DOT1L: variants seen among roughly 807,000 people sequenced by gnomAD.
DOT1L encodes DOT1 like histone lysine methyltransferase, also known as histone-lysine N-methyltransferase, H3 lysine-79 specific.
DOT1L carries 33 observed loss-of-function variants against 153.3 expected under a neutral mutation model. The observed-to-expected ratio is 0.22, with a 90% CI of 0.16 to 0.29. The LOEUF (loss-of-function observed/expected upper bound fraction) is 0.29, where lower values mean the gene tolerates loss of function less well. Among genes scored for constraint, DOT1L ranks in the 10% least tolerant of loss-of-function variants. DOT1L has a pLI of 1.00. For synonymous variants in DOT1L, 1,135 were observed against 965.1 expected (o/e 1.18, Z -3.26); for missense variants, 1,847 against 2,119.9 (o/e 0.87, Z 2.53).
At chr19:2,213,327 C>A in intron 16 of DOT1L, 2 of 514,042 alleles carry the variant, frequency 3.9e-6, no homozygotes, top group Non-Finnish European at 6.9e-6. Context: ...CTCCAGCTGG[C>A]GAGAGTTCTT....
At position 2,211,799 on chromosome 19, in the gene DOT1L, C is replaced by T. The variant is rs1383312516; in HGVS notation, c.1514C>T (p.Pro505Leu). The T allele has an allele frequency of 1.9e-6, 3 of 1,575,176 alleles. No individual in the cohort carries two copies. The highest frequency in any genetic ancestry group is 1.2e-5 in the South Asian group (1 of 85,836). The stretch of plus-strand genomic sequence containing the variant: ...CAGTTCCTGGCATACACAAAGACCC[C>T]CCAGTACAAGGCCAGCCTGCAGGAG... Reference protein sequence around the residue: ...YLQFLAYTKTPQYKASLQELL... With the variant: ...YLQFLAYTKTLQYKASLQELL... Residue 505 changes from proline to leucine, a missense_variant, in exon 16 of 28, where the codon CCC (proline) becomes CTC (leucine). By Grantham distance (98) the Pro-to-Leu change is moderately conservative (BLOSUM62 -3). This residue lies in a region of DOT1L where 156 missense variants were observed against 235.7 expected (regional missense o/e 0.66). Coordinates refer to ENST00000398665, the MANE Select transcript of DOT1L (RefSeq NM_032482.3).
chr19:2,226,944 G>A lies in DOT1L; in HGVS notation c.4423G>A (p.Ala1475Thr), dbSNP rs150855728. 7.5e-4 allele frequency: 1,189 copies of A among 1,585,040 alleles called. 27 individuals are homozygous for A. The East Asian group carries it at 0.027, about 36-fold the overall frequency. ...LGPFPPGPQF[A>T]LGPMSLQANL... ...CCCCTTCCCGCCGGGACCGCAGTTCGCGCTCGGCCCCATGTCCCTGCAGGC... is the reference window on the plus strand; with the variant it reads ...CCCCTTCCCGCCGGGACCGCAGTTCACGCTCGGCCCCATGTCCCTGCAGGC... The change falls in exon 27 of 28, where the codon GCG becomes ACG. Residue 1475 changes from alanine to threonine, a missense_variant. By Grantham distance (58) the Ala-to-Thr change is moderately conservative (BLOSUM62 0). Around this residue, in one of 8 missense-constraint regions of DOT1L, gnomAD observed 934 missense variants for 825.3 expected, o/e 1.13. Coordinates refer to ENST00000398665, the MANE Select transcript of DOT1L (RefSeq NM_032482.3).
intron 24 of DOT1L, 28 bp from the exon 25 acceptor site, chr19:2,223,253 T>A (rs754993334): frequency 6.2e-7 from 1 of 1,611,468 alleles, no homozygotes; most frequent in African/African-American, 1.3e-5. Context: ...CTGTGGTATG[T>A]GCATCCATTG....
chr19:2,196,780 C>A (rs1426055098), intron 7 of DOT1L, among the ~76,000 whole-genome samples: 2 of 152,190 alleles, frequency 1.3e-5, no homozygotes, highest in Non-Finnish European at 2.9e-5. Flanking sequence ...GTCGTGAGGG[C>A]AAGACGGGTA....
Position 2,226,522 on chromosome 19 carries a change from G to T in DOT1L, c.4001G>T (p.Gly1334Val). 6.2e-7 allele frequency: 1 copy of T among 1,600,786 alleles called. No homozygotes were observed. The highest frequency in any genetic ancestry group is 8.5e-7 in the Non-Finnish European group (1 of 1,179,652). ...CTGAGTTTACACAGCTTCAGTGATGGTGCTTCTCTTCCCCACAAGGGCCCC... is the reference window on the plus strand; with the variant it reads ...CTGAGTTTACACAGCTTCAGTGATGTTGCTTCTCTTCCCCACAAGGGCCCC... ...ADLSLHSFSD[G>V]ASLPHKGPEA... Residue 1334 changes from glycine (G) to valine (V), a missense_variant, in exon 27 of 28, where the codon GGT becomes GTT. Gly to Val is a moderately radical substitution (Grantham distance 109, BLOSUM62 -3). Around this residue, in one of 8 missense-constraint regions of DOT1L, gnomAD observed 934 missense variants for 825.3 expected, o/e 1.13. Coordinates refer to ENST00000398665, the MANE Select transcript of DOT1L (RefSeq NM_032482.3).
At chr19:2,183,380 AG>A (rs1423864131) in intron 2 of DOT1L, among the ~76,000 whole-genome samples, 1 of 152,180 alleles carries the variant, frequency 6.6e-6, no homozygotes, top group African/African-American at 2.4e-5. Flanking sequence ...CACCTTGGCC[AG>A]GCTGGTCTCA....
chr19:2,204,078 G>A lies in DOT1L; in HGVS notation c.787+1299G>A, dbSNP rs1423463796. On this transcript the variant is annotated intron_variant, in intron 9 of 27. Coordinates refer to ENST00000398665, the MANE Select transcript of DOT1L (RefSeq NM_032482.3). The surrounding 1 kb of genome is among the most constrained non-coding windows in gnomAD (Gnocchi z 5.7). ...CCAACGCCCCACAACCTGGGGGTTT[G>A]GAGGGTGCTTGTGTGCCTGTGTCTG... is the stretch of plus-strand genomic sequence containing the variant. 1.3e-5 allele frequency among the ~76,000 whole-genome samples: 2 copies of A among 152,188 alleles called. No homozygotes were observed. The highest frequency in any genetic ancestry group is 2.9e-5 in the Non-Finnish European group (2 of 68,030).
intron 25 of DOT1L, 76 bp from the exon 26 acceptor site, chr19:2,225,312 T>C (rs770931310): frequency 3.6e-5 from 51 of 1,428,716 alleles, no homozygotes; most frequent in Non-Finnish European, 4.9e-5. Flanking sequence ...CTCCCTGGGC[T>C]GTTGGCTGTC....
At position 2,164,094 on chromosome 19, in the gene DOT1L, CTCCCTCCCGCCCGCCCTCCTCCGCCCA is replaced by C; in HGVS notation, c.-90_-64del. 4 of 149,294 alleles carry C rather than the reference CTCCCTCCCGCCCGCCCTCCTCCGCCCA, an allele frequency of 2.7e-5. No individual in the cohort carries two copies. The highest frequency in any genetic ancestry group is 2.0e-4 in the East Asian group (1 of 5,032). The allele number at this position is 149,294 out of a possible 1,614,324, so 9.2% of individuals were successfully genotyped here. On this transcript the variant is annotated 5_prime_UTR_variant, in exon 1 of 28. Transcript: ENST00000398665. The stretch of plus-strand genomic sequence containing the variant: ...GCCCCCTCCCCTCAGCCTCCCGCCC[CTCCCTCCCGCCCGCCCTCCTCCGCCCA>C]CCGGCGGCCCCGCCCCTCCCCCAAC...
At chr19:2,216,842 C>G (rs2023923664) in intron 20 of DOT1L, 77 bp downstream of exon 20, 1 of 1,554,426 alleles carries the variant, frequency 6.4e-7, no homozygotes, top group African/African-American at 1.3e-5. Context: ...CTGTCGGGTT[C>G]TCAGCAGGAG....
intron 12 of DOT1L, among the ~76,000 whole-genome samples, chr19:2,210,051 G>T (rs961251836): frequency 6.6e-6 from 1 of 152,234 alleles, no homozygotes; most frequent in Non-Finnish European, 1.5e-5. Flanking sequence ...GAGGCTGTGG[G>T]CTGTGGCTTC....
chr19:2,191,210 G>A lies in DOT1L; in HGVS notation c.463G>A (p.Asp155Asn), dbSNP rs778167150. The A allele has an allele frequency of 5.0e-6, 8 of 1,613,788 alleles. No individual in the cohort carries two copies. The highest frequency in any genetic ancestry group is 6.8e-6 in the Non-Finnish European group (8 of 1,180,004). ...AQMIDEIKMTDDDLFVDLGSG... is the reference protein window; with the variant it reads ...AQMIDEIKMTNDDLFVDLGSG... Reference sequence around the variant, plus strand: ...GATGATTGATGAGATCAAGATGACCGACGACGACCTGTTTGTGGACTTGGG... The same window carrying A: ...GATGATTGATGAGATCAAGATGACCAACGACGACCTGTTTGTGGACTTGGG... The change falls in exon 5 of 28, where the codon GAC becomes AAC. Residue 155 changes from aspartate (D) to asparagine (N), a missense_variant. Around this residue, in one of 8 missense-constraint regions of DOT1L, gnomAD observed 148 missense variants for 422.3 expected, o/e 0.35. Transcript: ENST00000398665. The surrounding 1 kb of genome is among the most constrained non-coding windows in gnomAD (Gnocchi z 6.8).
Position 2,193,728 on chromosome 19 carries a change from A to G in DOT1L, c.533A>G (p.Asn178Ser). Residue 178 changes from asparagine to serine, a missense_variant, in exon 6 of 28, where the codon AAC becomes AGC. Asn to Ser is a conservative substitution (Grantham distance 46). This residue lies in a region of DOT1L where 148 missense variants were observed against 422.3 expected (regional missense o/e 0.35). Coordinates refer to ENST00000398665, the MANE Select transcript of DOT1L (RefSeq NM_032482.3). This position sits in a 1 kb window ranked among gnomAD's most constrained non-coding sequence, Gnocchi z 5.9. The stretch of plus-strand genomic sequence containing the variant: ...GTGCTCCAGGTTGCTGCTGCCACCA[A>G]CTGCAAACATCACTATGGCGTCGAG... ...QVVLQVAAAT[N>S]CKHHYGVEKA... 1 of 1,614,208 alleles carries G rather than the reference A, an allele frequency of 6.2e-7. No individual in the cohort carries two copies. The highest frequency in any genetic ancestry group is 8.5e-7 in the Non-Finnish European group (1 of 1,180,004).
intron 1 of DOT1L, chr19:2,164,506 C>T (rs1055763802): frequency 9.7e-6 from 3 of 310,752 alleles, no homozygotes; most frequent in Admixed American, 5.1e-5. Flanking sequence ...CGAGCCCTAC[C>T]GCGGTGCCGT....
At chr19:2,185,717 C>G (rs2022467638) in intron 2 of DOT1L, 138 bp from the exon 3 acceptor site, 4 of 854,610 alleles carry the variant, frequency 4.7e-6, no homozygotes, top group South Asian at 1.5e-5. Flanking sequence ...TGCAGTGAGC[C>G]AAGATCACGA....
rs138054606 is a variant in DOT1L at position 2,182,488 on chromosome 19, C to T, written c.125+1732C>T. Among the ~76,000 whole-genome samples, 66 of 152,306 alleles carry T rather than the reference C, an allele frequency of 4.3e-4. No individual in the cohort carries two copies. The Middle Eastern group carries it at 0.014, about 31-fold the overall frequency. On this transcript the variant is annotated intron_variant, in intron 2 of 27. Transcript: ENST00000398665. ...ACCAGTGGCGCTGTGATTGTGCCAC[C>T]GCCCTCCAGCCAGGCAACAGAGTGA...
intron 8 of DOT1L, among the ~76,000 whole-genome samples, chr19:2,200,802 C>T (rs1307511745): frequency 6.7e-6 from 1 of 149,694 alleles, no homozygotes; most frequent in Non-Finnish European, 1.5e-5. Context: ...TCCCCGCATT[C>T]CTCGTCCTCC....
chr19:2,169,682 T>C (rs1158350984), intron 1 of DOT1L, among the ~76,000 whole-genome samples: 1 of 152,134 alleles, frequency 6.6e-6, no homozygotes, highest in South Asian at 2.1e-4. Context: ...AAAAATCTGC[T>C]TGTTATCTGC....
At chr19:2,195,791 C>T (rs549739572) in intron 7 of DOT1L, among the ~76,000 whole-genome samples, 1 of 152,302 alleles carries the variant, frequency 6.6e-6, no homozygotes, top group African/African-American at 2.4e-5. Flanking sequence ...CAGGTGCCTG[C>T]GACGACCCAG....
Sources: gnomAD v4.1 joint callset for allele counts (sites outside exome capture counted in the v4.1 genomes callset) on GRCh38, gnomAD v4.1.1 for gene constraint, gnomAD v4.1.1 regional missense constraint, Gnocchi (gnomAD v3.1) non-coding constraint, MANE v1.5 for transcripts, NCBI Gene and HGNC (gene_info 2026-07-23, HGNC 2026-07-21) for gene names.